Variants in ATRNL1 observed in about 807,000 individuals in gnomAD.
ATRNL1 encodes attractin like 1, also known as attractin-like protein 1.
ATRNL1 carries 95 observed loss-of-function variants against 182.7 expected under a neutral mutation model. The observed-to-expected ratio is 0.52, with a 90% CI of 0.44 to 0.62. ATRNL1 has a LOEUF of 0.62. Among genes scored for constraint, ATRNL1 ranks in the 20% least tolerant of loss-of-function variants. ATRNL1 has a pLI of 0.00. For missense variants in ATRNL1, 1,471 were observed against 1,679.5 expected (o/e 0.88, Z 2.17); for synonymous variants, 576 against 568.3 (o/e 1.01, Z -0.19).
At chr10:115,256,041 G>A (rs1048790137) in intron 10 of ATRNL1, among the ~76,000 whole-genome samples, 2 of 152,200 alleles carry the variant, frequency 1.3e-5, no homozygotes, top group Non-Finnish European at 2.9e-5. Context: ...TGGTTTGCCA[G>A]TATTTTATTG....
chr10:115,859,642 C>G (rs781914913), intron 28 of ATRNL1, among the ~76,000 whole-genome samples: 6 of 152,132 alleles, frequency 3.9e-5, no homozygotes, highest in Non-Finnish European at 7.4e-5. Flanking sequence ...AGTGGTCCGT[C>G]AGCAAATCCA....
At chr10:115,167,729 T>C (rs782512287) in intron 7 of ATRNL1, among the ~76,000 whole-genome samples, 3 of 152,156 alleles carry the variant, frequency 2.0e-5, no homozygotes, top group Admixed American at 6.5e-5. Flanking sequence ...TATTTCTATG[T>C]ATGAAAACAT....
chr10:115,532,060 T>A (rs572772772), intron 25 of ATRNL1, among the ~76,000 whole-genome samples: 3 of 151,336 alleles, frequency 2.0e-5, no homozygotes, highest in East Asian at 1.9e-4. Flanking sequence ...AGTCAGGTAG[T>A]GTGATGCCTC....
chr10:115,923,243 T>C (rs1555119124), intron 28 of ATRNL1, among the ~76,000 whole-genome samples: 2 of 152,146 alleles, frequency 1.3e-5, no homozygotes, highest in African/African-American at 4.8e-5. Flanking sequence ...AAAACATGTA[T>C]GTATATATGT....
intron 9 of ATRNL1, among the ~76,000 whole-genome samples, chr10:115,231,230 G>T (rs1554899951): frequency 6.6e-6 from 1 of 152,142 alleles, no homozygotes; most frequent in Admixed American, 6.5e-5. Context: ...AAAACTGGGA[G>T]AATATGGTAT....
intron 5 of ATRNL1, among the ~76,000 whole-genome samples, chr10:115,136,141 C>T (rs782736624): frequency 1.9e-4 from 29 of 151,720 alleles, no homozygotes; most frequent in Non-Finnish European, 4.0e-4. Context: ...TGGGACTACT[C>T]GAGGGCACAC....
intron 28 of ATRNL1, among the ~76,000 whole-genome samples, chr10:115,927,671 C>T (rs1953275411): frequency 6.6e-6 from 1 of 152,006 alleles, no homozygotes; most frequent in African/African-American, 2.4e-5. Context: ...CTGTTAAATG[C>T]TTCTTTATCC....
intron 10 of ATRNL1, among the ~76,000 whole-genome samples, chr10:115,251,244 C>A (rs1850864011): frequency 6.6e-6 from 1 of 152,086 alleles, no homozygotes; most frequent in Non-Finnish European, 1.5e-5. Context: ...TAGGGTGATA[C>A]TAATTGCTTC....
intron 19 of ATRNL1, among the ~76,000 whole-genome samples, chr10:115,337,925 G>C (rs1484132937): frequency 2.0e-5 from 3 of 152,138 alleles, no homozygotes; most frequent in Non-Finnish European, 2.9e-5. Flanking sequence ...GCATTAGTTA[G>C]ATTCTCATAA....
At chr10:115,513,538 A>G (rs1392707838) in intron 24 of ATRNL1, among the ~76,000 whole-genome samples, 1 of 151,986 alleles carries the variant, frequency 6.6e-6, no homozygotes, top group Non-Finnish European at 1.5e-5. Flanking sequence ...CCCAGAATAT[A>G]ATAGATACTT....
At chr10:115,257,869 G>T (rs1024236000) in intron 10 of ATRNL1, among the ~76,000 whole-genome samples, 1 of 152,102 alleles carries the variant, frequency 6.6e-6, no homozygotes, top group Non-Finnish European at 1.5e-5. Context: ...ACTTATGAAG[G>T]TTAGTTTGGC....
At chr10:115,131,999 T>C (rs1845260624) in intron 5 of ATRNL1, among the ~76,000 whole-genome samples, 1 of 152,184 alleles carries the variant, frequency 6.6e-6, no homozygotes. Context: ...GTTACATATG[T>C]ATACATGTGC....
chr10:115,387,924 A>G (rs1843751915), intron 19 of ATRNL1, among the ~76,000 whole-genome samples: 2 of 152,190 alleles, frequency 1.3e-5, no homozygotes, highest in Non-Finnish European at 2.9e-5. Context: ...TAGTATCGTC[A>G]TCATCACTTT....
At chr10:115,563,592 A>G (rs536189053) in intron 26 of ATRNL1, among the ~76,000 whole-genome samples, 15 of 151,726 alleles carry the variant, frequency 9.9e-5, no homozygotes, top group Admixed American at 3.3e-4. Flanking sequence ...TAATTTAAGG[A>G]AAAAAAAGCT....
chr10:115,551,775 G>T (rs548573656), intron 26 of ATRNL1, among the ~76,000 whole-genome samples: 1 of 151,506 alleles, frequency 6.6e-6, no homozygotes, highest in East Asian at 1.9e-4. Flanking sequence ...GATTATTAAA[G>T]ATCTGCAATT....
intron 17 of ATRNL1, among the ~76,000 whole-genome samples, chr10:115,310,625 G>C (rs60232127): frequency 1.9e-3 from 284 of 152,164 alleles, no homozygotes; most frequent in African/African-American, 5.3e-3. Flanking sequence ...TGCATAGAAG[G>C]GTTCAGAGTT....
At chr10:115,720,883 T>A (rs541462745) in intron 26 of ATRNL1, among the ~76,000 whole-genome samples, 1 of 152,360 alleles carries the variant, frequency 6.6e-6, no homozygotes, top group African/African-American at 2.4e-5. Context: ...TGTTCCCTTT[T>A]GTTTTAAGCA....
chr10:115,635,498 A>T (rs1858812149), intron 26 of ATRNL1, among the ~76,000 whole-genome samples: 1 of 152,146 alleles, frequency 6.6e-6, no homozygotes, highest in African/African-American at 2.4e-5. Context: ...TTTGAAAAAG[A>T]TGTGTAGCAG....
chr10:115,504,153 T>C (rs1017332160), intron 24 of ATRNL1, among the ~76,000 whole-genome samples: 1 of 152,040 alleles, frequency 6.6e-6, no homozygotes, highest in Non-Finnish European at 1.5e-5. Flanking sequence ...TACATTTACC[T>C]AATTATTTTC....
Sources: gnomAD v4.1 joint callset for allele counts (sites outside exome capture counted in the v4.1 genomes callset) on GRCh38, gnomAD v4.1.1 for gene constraint, MANE v1.5 for transcripts, NCBI Gene and HGNC (gene_info 2026-07-23, HGNC 2026-07-21) for gene names.